Variants in PUDP observed in about 807,000 individuals in gnomAD.
The protein encoded by PUDP is pseudouridine 5'-phosphatase, also known as pseudouridine-5'-phosphatase.
Under a neutral mutation model 9.4 loss-of-function variants are expected in PUDP, and 8 were observed. The observed-to-expected ratio is 0.85, with a 90% CI of 0.50 to 1.53. The LOEUF (loss-of-function observed/expected upper bound fraction) is 1.53. Ranked by LOEUF, PUDP falls within the 40% of genes most tolerant of loss-of-function variation. The pLI is 0.00. For synonymous variants in PUDP, 99 were observed against 80.7 expected, an observed-to-expected ratio of 1.23 and a Z score of -1.22; for missense variants, 188 against 189.7, an observed-to-expected ratio of 0.99 and a Z score of 0.05.
At chrX:6,959,602 C>T (rs748936779) in intron 3 of PUDP, among the ~76,000 whole-genome samples, 17 of 112,477 alleles carry the variant, frequency 1.5e-4, no homozygotes, top group Non-Finnish European at 3.0e-4. Flanking sequence ...ACAGTCTCCA[C>T]CAGGGCAATG....
At chrX:7,065,813 C>T (rs1231962902) in intron 3 of PUDP, among the ~76,000 whole-genome samples, 3 of 111,982 alleles carry the variant, frequency 2.7e-5, no homozygotes, top group African/African-American at 9.7e-5. Context: ...GGGAGCCATA[C>T]ATACAAACAG....
At chrX:7,011,671 C>G (rs1484765102) in intron 1 of PUDP, among the ~76,000 whole-genome samples, 1 of 112,287 alleles carries the variant, frequency 8.9e-6, no homozygotes, top group Non-Finnish European at 1.9e-5. Context: ...AGGCAGCACC[C>G]CTGCAACTGC....
chrX:6,846,745 G>C (rs1569110125), intron 3 of PUDP, among the ~76,000 whole-genome samples: 1 of 111,517 alleles, frequency 9.0e-6, no homozygotes, highest in Non-Finnish European at 1.9e-5. Context: ...CAACTACTGA[G>C]TATTTTATAT....
intron 1 of PUDP, among the ~76,000 whole-genome samples, chrX:7,043,862 C>G (rs2146832230): frequency 8.9e-6 from 1 of 111,907 alleles, no homozygotes; most frequent in South Asian, 3.7e-4. Flanking sequence ...CACCTCGGAT[C>G]TTTATCCTTG....
intron 3 of PUDP, among the ~76,000 whole-genome samples, chrX:6,761,214 C>T (rs776424925): frequency 3.6e-5 from 4 of 111,659 alleles, no homozygotes; most frequent in South Asian, 3.8e-4. Context: ...TATTCCTGTA[C>T]GGTCTTATTT....
At chrX:7,039,687 C>T (rs1929896862) in intron 1 of PUDP, among the ~76,000 whole-genome samples, 2 of 112,465 alleles carry the variant, frequency 1.8e-5, no homozygotes, top group Admixed American at 1.9e-4. Flanking sequence ...ACAATTTCTT[C>T]TGTTTAAGCA....
At chrX:6,772,971 A>G (rs367629837) in intron 3 of PUDP, among the ~76,000 whole-genome samples, 4 of 112,377 alleles carry the variant, frequency 3.6e-5, no homozygotes, top group African/African-American at 1.3e-4. Flanking sequence ...ACAAGTTCAC[A>G]AGCTTTCTTT....
chrX:6,914,873 T>G (rs1281749998), intron 3 of PUDP, among the ~76,000 whole-genome samples: 2 of 112,665 alleles, frequency 1.8e-5, no homozygotes, highest in Non-Finnish European at 3.7e-5. Flanking sequence ...TACAATTTGT[T>G]AACAATCTAG....
At chrX:6,714,640 TG>T (rs1569086133) in intron 1 of PUDP, among the ~76,000 whole-genome samples, 4 of 110,954 alleles carry the variant, frequency 3.6e-5, no homozygotes, top group Non-Finnish European at 5.7e-5. Context: ...GATGATAGAA[TG>T]ATAGATAAAT....
intron 3 of PUDP, among the ~76,000 whole-genome samples, chrX:6,855,884 T>C (rs994168923): frequency 2.7e-5 from 3 of 111,579 alleles, no homozygotes; most frequent in African/African-American, 9.8e-5. Flanking sequence ...CTCCCTGGGC[T>C]AAGGTTCCTC....
intron 2 of PUDP, among the ~76,000 whole-genome samples, chrX:7,083,935 C>T (rs911809283): frequency 4.5e-5 from 5 of 110,703 alleles, no homozygotes; most frequent in Admixed American, 1.9e-4. Context: ...AAAAGAAATA[C>T]GTCGTGATTT....
chrX:6,790,834 G>A (rs1416306169), intron 3 of PUDP, among the ~76,000 whole-genome samples: 3 of 112,005 alleles, frequency 2.7e-5, no homozygotes, highest in African/African-American at 9.7e-5. Flanking sequence ...ATCTCCATAG[G>A]GACCTGAGTT....
At chrX:6,784,487 G>A (rs1925614722) in intron 3 of PUDP, among the ~76,000 whole-genome samples, 2 of 111,106 alleles carry the variant, frequency 1.8e-5, no homozygotes, top group African/African-American at 6.5e-5. Flanking sequence ...GATCTGAGAG[G>A]GTGGAGAGTC....
At chrX:6,736,623 T>C (rs779164224) in intron 3 of PUDP, among the ~76,000 whole-genome samples, 1 of 112,026 alleles carries the variant, frequency 8.9e-6, no homozygotes, top group East Asian at 2.8e-4. Context: ...ACTGGTAGAC[T>C]GGATAAAGAA....
chrX:6,780,639 C>T (rs1353596464), intron 3 of PUDP, among the ~76,000 whole-genome samples: 1 of 111,258 alleles, frequency 9.0e-6, no homozygotes, highest in Non-Finnish European at 1.9e-5. Context: ...GGCTTTAAGG[C>T]GTGTAGCAGC....
intron 2 of PUDP, among the ~76,000 whole-genome samples, chrX:7,102,590 G>A (rs1268226479): frequency 8.2e-5 from 9 of 110,043 alleles, no homozygotes; most frequent in Non-Finnish European, 1.7e-4. Flanking sequence ...AGGCAATTAG[G>A]CAAGAAAACA....
At chrX:6,906,816 C>G (rs1483141832) in intron 3 of PUDP, among the ~76,000 whole-genome samples, 1 of 111,854 alleles carries the variant, frequency 8.9e-6, no homozygotes, top group African/African-American at 3.2e-5. Flanking sequence ...GCTGAGACAC[C>G]TGTGGCAGCT....
At chrX:7,070,559 C>T (rs767563339) in intron 3 of PUDP, among the ~76,000 whole-genome samples, 28 of 111,018 alleles carry the variant, frequency 2.5e-4, no homozygotes, top group African/African-American at 8.8e-4. Flanking sequence ...TCCAGCAAAG[C>T]TCAGCTGGTC....
intron 1 of PUDP, among the ~76,000 whole-genome samples, chrX:6,983,504 G>A (rs1415537906): frequency 8.9e-6 from 1 of 112,042 alleles, no homozygotes; most frequent in Non-Finnish European, 1.9e-5. Context: ...AGTAATTGGG[G>A]AAGTTGCAAA....
Sources: gnomAD v4.1 joint callset for allele counts (sites outside exome capture counted in the v4.1 genomes callset) on GRCh38, gnomAD v4.1.1 for gene constraint, MANE v1.5 for transcripts, NCBI Gene and HGNC (gene_info 2026-07-23, HGNC 2026-07-21) for gene names.